PTPRM: variants seen among roughly 807,000 people sequenced by gnomAD.
PTPRM encodes the protein protein tyrosine phosphatase receptor type M.
PTPRM carries 47 observed loss-of-function variants against 186.7 expected under a neutral mutation model. The ratio of observed to expected loss-of-function variants is 0.25; its 90% CI spans 0.20 to 0.32. The LOEUF is 0.32. PTPRM is among the 10% of genes least tolerant of loss of function. The pLI, the probability that PTPRM is intolerant of heterozygous loss-of-function variation, is 1.00. For missense variants in PTPRM, 1,494 were observed against 1,865.0 expected, an observed-to-expected ratio of 0.80 and a Z score of 3.66; for synonymous variants, 668 against 674.9, an observed-to-expected ratio of 0.99 and a Z score of 0.16.
At chr18:7,878,240 A>T (rs981336801) in intron 2 of PTPRM, among the ~76,000 whole-genome samples, 9 of 152,204 alleles carry the variant, frequency 5.9e-5, no homozygotes, top group Non-Finnish European at 1.0e-4. Context: ...TTTTCTGGTT[A>T]ATTAATCCAA....
rs199678099 is a variant in PTPRM at position 7,810,845 on chromosome 18, A to C, written c.196+36574A>C. On this transcript the variant is annotated intron_variant, in intron 2 of 32. Transcript: ENST00000580170. ...TTTTCTATTGAAACATACAGATTTT[A>C]CCAAAACCCCTTTTCATTACCTTTA... is the stretch of plus-strand genomic sequence containing the variant. Among the ~76,000 whole-genome samples, 18 of 152,356 alleles carry C rather than the reference A, an allele frequency of 1.2e-4. No homozygotes were observed. In the East Asian group the frequency reaches 3.3e-3, roughly 28 times the overall value.
chr18:8,359,535 TG>T (rs2095584067), intron 23 of PTPRM, among the ~76,000 whole-genome samples: 1 of 152,274 alleles, frequency 6.6e-6, no homozygotes, highest in African/African-American at 2.4e-5. Flanking sequence ...GGCCTGGGCT[TG>T]GGGCCTCTGT....
Position 8,088,847 on chromosome 18 carries a change from G to C in PTPRM, c.1852G>C (p.Val618Leu), listed in dbSNP as rs2090567196. 1 of 1,603,370 alleles carries C rather than the reference G, an allele frequency of 6.2e-7. No homozygotes were observed. Among genetic ancestry groups the C allele is most frequent in the South Asian group, 1.1e-5 (1 of 90,830 alleles). ...LKPAHSRGAP[V>L]SVYQIVVEEE... is the part of the protein sequence containing the mutation. ...ACCTGCCCACAGCAGAGGAGCACCT[G>C]TCAGGTATGGAACAGAGGGTTGGGC... The change falls in exon 11 of 33, where the codon GTC becomes CTC. Residue 618 changes from valine (V) to leucine (L), a missense_variant. Coordinates refer to ENST00000580170, the MANE Select transcript of PTPRM (RefSeq NM_001105244.2).
chr18:8,375,465 G>A (rs2095688769), intron 24 of PTPRM, among the ~76,000 whole-genome samples: 1 of 152,050 alleles, frequency 6.6e-6, no homozygotes. Context: ...CTAACAAACA[G>A]AGCTGTAAAT....
intron 2 of PTPRM, among the ~76,000 whole-genome samples, chr18:7,790,243 C>T (rs1215223816): frequency 6.6e-6 from 1 of 152,222 alleles, no homozygotes; most frequent in African/African-American, 2.4e-5. Context: ...TACTGACCTT[C>T]CCCAGTAGAT....
At chr18:7,627,514 C>T (rs937271158) in intron 1 of PTPRM, among the ~76,000 whole-genome samples, 1 of 152,140 alleles carries the variant, frequency 6.6e-6, no homozygotes, top group African/African-American at 2.4e-5. Flanking sequence ...GTTTCAGGAC[C>T]TGACTCTGGG....
At chr18:7,677,101 C>T (rs1387844132) in intron 1 of PTPRM, among the ~76,000 whole-genome samples, 1 of 152,172 alleles carries the variant, frequency 6.6e-6, no homozygotes, top group Non-Finnish European at 1.5e-5. Flanking sequence ...AAATACCCTT[C>T]TCTTTTTCTC....
intron 20 of PTPRM, among the ~76,000 whole-genome samples, chr18:8,307,810 A>C (rs535391529): frequency 0.084 from 12,741 of 151,332 alleles, 895 homozygotes; most frequent in Admixed American, 0.2. Context: ...GTCTCAAAAA[A>C]AAAAAATAAA....
At chr18:8,275,341 G>A (rs1295153708) in intron 19 of PTPRM, among the ~76,000 whole-genome samples, 2 of 152,096 alleles carry the variant, frequency 1.3e-5, no homozygotes, top group Admixed American at 6.6e-5. Context: ...GCTACTCGGA[G>A]GCTGAGGTGG....
chr18:8,001,820 AG>A, intron 7 of PTPRM, among the ~76,000 whole-genome samples: 1 of 152,198 alleles, frequency 6.6e-6, no homozygotes, highest in Non-Finnish European at 1.5e-5. Context: ...GAAAGCCTAC[AG>A]GCAGAAGGCA....
At chr18:7,883,726 G>A (rs2048622376) in intron 2 of PTPRM, among the ~76,000 whole-genome samples, 1 of 152,204 alleles carries the variant, frequency 6.6e-6, no homozygotes, top group Admixed American at 6.5e-5. Flanking sequence ...TGAAGGTTTT[G>A]TGTTATCTCA....
chr18:8,175,416 A>C (rs976369103), intron 14 of PTPRM, among the ~76,000 whole-genome samples: 11 of 152,220 alleles, frequency 7.2e-5, no homozygotes, highest in Admixed American at 2.6e-4. Flanking sequence ...GTTTTAGACA[A>C]AAAAGACTCC....
intron 1 of PTPRM, among the ~76,000 whole-genome samples, chr18:7,753,174 G>A (rs2041305582): frequency 6.6e-6 from 1 of 152,096 alleles, no homozygotes. Flanking sequence ...TCCATTGAGA[G>A]CCAGCAAGTT....
intron 23 of PTPRM, among the ~76,000 whole-genome samples, chr18:8,347,164 C>T (rs1162611487): frequency 6.6e-6 from 1 of 152,222 alleles, no homozygotes; most frequent in Non-Finnish European, 1.5e-5. Context: ...GAAAGTTGTG[C>T]ACCCGTGCAC....
intron 23 of PTPRM, among the ~76,000 whole-genome samples, chr18:8,346,676 C>T (rs868735936): frequency 2.0e-5 from 3 of 152,118 alleles, no homozygotes; most frequent in Admixed American, 6.5e-5. Context: ...CTGCCCATTC[C>T]GAGGACTCAA....
chr18:8,346,697 A>G (rs2095507153), intron 23 of PTPRM, among the ~76,000 whole-genome samples: 2 of 152,154 alleles, frequency 1.3e-5, no homozygotes, highest in African/African-American at 4.8e-5. Flanking sequence ...TAATACAGCT[A>G]TTAGTGTAAC....
intron 20 of PTPRM, among the ~76,000 whole-genome samples, chr18:8,300,590 G>C (rs905063242): frequency 1.3e-5 from 2 of 151,844 alleles, no homozygotes; most frequent in African/African-American, 4.8e-5. Context: ...CTCCTTACTA[G>C]TGAGCACGTC....
chr18:8,261,680 C>T (rs1313017346), intron 19 of PTPRM, among the ~76,000 whole-genome samples: 1 of 152,100 alleles, frequency 6.6e-6, no homozygotes, highest in Non-Finnish European at 1.5e-5. Flanking sequence ...TTGCCCTTGC[C>T]TCTGATGACA....
At chr18:7,878,067 T>C (rs944286880) in intron 2 of PTPRM, among the ~76,000 whole-genome samples, 1 of 152,196 alleles carries the variant, frequency 6.6e-6, no homozygotes, top group Non-Finnish European at 1.5e-5. Context: ...AATTAAGAAA[T>C]TTATCCATGT....
Sources: gnomAD v4.1 joint callset for allele counts (sites outside exome capture counted in the v4.1 genomes callset) on GRCh38, gnomAD v4.1.1 for gene constraint, MANE v1.5 for transcripts, NCBI Gene and HGNC (gene_info 2026-07-23, HGNC 2026-07-21) for gene names.